The following PAPPA variants were observed in gnomAD, a reference collection of about 807,000 sequenced individuals.
PAPPA encodes pappalysin-1.
Under a neutral mutation model 164.0 loss-of-function variants are expected in PAPPA, and 60 were observed. The observed-to-expected ratio is 0.37, with a 90% CI of 0.30 to 0.45. The LOEUF is 0.45. Among genes scored for constraint, PAPPA ranks in the 20% least tolerant of loss-of-function variants. The pLI, the probability that PAPPA is intolerant of heterozygous loss-of-function variation, is 1.00. For synonymous variants in PAPPA, 875 were observed against 814.1 expected (o/e 1.07, Z -1.27); for missense variants, 1,782 against 2,087.3 (o/e 0.85, Z 2.85).
chr9:116,344,428 TCA>T, intron 13 of PAPPA, 113 bp from the exon 14 acceptor site: 1 of 1,040,052 alleles, frequency 9.6e-7, no homozygotes, highest in Non-Finnish European at 1.4e-6. Context: ...CTTTCTGTCC[TCA>T]GTCTCAAGCC....
intron 7 of PAPPA, among the ~76,000 whole-genome samples, chr9:116,264,148 T>A (rs537808002): frequency 1.3e-5 from 2 of 152,144 alleles, no homozygotes; most frequent in African/African-American, 4.8e-5. Flanking sequence ...GGATTGTTAC[T>A]TTTTTCTCCA....
intron 9 of PAPPA, among the ~76,000 whole-genome samples, chr9:116,289,313 G>GCCATATATATGCCAAATATATA (rs1397352816): frequency 8.4e-6 from 1 of 119,018 alleles, no homozygotes; most frequent in Admixed American, 8.4e-5. Context: ...GCATATATAT[G>GCCATATATATGCCAAATATATA]GCATATATAT....
rs560383980 is a variant in PAPPA at position 116,205,552 on chromosome 9, G to A, written c.1479-1904G>A. 4.1e-4 allele frequency among the ~76,000 whole-genome samples: 63 copies of A among 152,260 alleles called. No homozygotes were observed. In the South Asian group the frequency reaches 0.013, roughly 31 times the overall value. ...CATGCATTGTTTCTCTTTTCACTCT[G>A]GGCCTGGGTGAGCTTGGAAATGAGG... On this transcript the variant is annotated intron_variant, in intron 2 of 21. Transcript: ENST00000328252.
intron 1 of PAPPA, among the ~76,000 whole-genome samples, chr9:116,161,364 G>A (rs1449513115): frequency 6.6e-6 from 1 of 152,128 alleles, no homozygotes; most frequent in Non-Finnish European, 1.5e-5. Context: ...GGGTAAAATA[G>A]CGACTTTCAA....
At position 116,314,060 on chromosome 9, in the gene PAPPA, C is replaced by CTTTTTTTTTTTTTTT. The variant is rs57871796; in HGVS notation, c.3147+11126_3147+11140dup. The stretch of plus-strand genomic sequence containing the variant: ...ATTCAGTTCTGTCATTGCATCGAAT[C>CTTTTTTTTTTTTTTT]TTTTTTTTTTTTTTTTTTTTTTTTT... On this transcript the variant is annotated intron_variant, in intron 10 of 21. Transcript: ENST00000328252. 5.9e-4 allele frequency among the ~76,000 whole-genome samples: 41 copies of CTTTTTTTTTTTTTTT among 69,730 alleles called. 4 individuals carry two copies. The highest frequency in any genetic ancestry group is 2.8e-3 in the South Asian group (6 of 2,110). 45.7% of individuals were successfully genotyped at this position (69,730 alleles called of 152,430 possible).
At chr9:116,185,366 T>G (rs1564176685) in intron 1 of PAPPA, among the ~76,000 whole-genome samples, 2 of 152,110 alleles carry the variant, frequency 1.3e-5, no homozygotes. Flanking sequence ...GCTGGCCATG[T>G]CAGCTGCTGA....
intron 21 of PAPPA, among the ~76,000 whole-genome samples, chr9:116,387,075 G>A (rs1846824336): frequency 6.6e-6 from 1 of 151,916 alleles, no homozygotes; most frequent in Admixed American, 6.6e-5. Context: ...CCAGGCTAGC[G>A]CTCAGAGAAA....
chr9:116,194,473 G>T (rs559863533), intron 2 of PAPPA, among the ~76,000 whole-genome samples: 69 of 152,310 alleles, frequency 4.5e-4, no homozygotes, highest in Admixed American at 1.0e-3. Context: ...TTTATTTAAT[G>T]TGACTAATAT....
chr9:116,332,420 A>G lies in PAPPA; in HGVS notation c.3349A>G (p.Thr1117Ala). 2 of 1,613,978 alleles carry G rather than the reference A, an allele frequency of 1.2e-6. No individual in the cohort carries two copies. The highest frequency in any genetic ancestry group is 1.7e-6 in the Non-Finnish European group (2 of 1,179,850). The change falls in exon 12 of 22, where the codon ACC becomes GCC. Residue 1117 changes from threonine to alanine, a missense_variant. Transcript: ENST00000328252. ...GTYYGDQKQE[T>A]ISVQLLDTKD... ...ATATTATGGGGACCAAAAGCAGGAG[A>G]CCATCAGCGTGCAGCTGCTTGATAC...
intron 13 of PAPPA, among the ~76,000 whole-genome samples, chr9:116,337,699 C>T (rs1388466523): frequency 6.6e-6 from 1 of 151,902 alleles, no homozygotes; most frequent in East Asian, 1.9e-4. Context: ...CTCTCTCTCT[C>T]TCTCCCCCGC....
rs1054402 is a variant in PAPPA at position 116,401,230 on chromosome 9, T to C, written c.*4614T>C. 0.7 allele frequency: 107,357 copies of C among 152,462 alleles called. 38,181 individuals carry two copies. Among genetic ancestry groups the C allele is most frequent in the South Asian group, 0.78 (3,774 of 4,818 alleles). The allele number at this position is 152,462 out of a possible 1,614,324, so 9.4% of individuals were successfully genotyped here. On this transcript the variant is annotated 3_prime_UTR_variant, in exon 22 of 22. Coordinates refer to ENST00000328252, the MANE Select transcript of PAPPA (RefSeq NM_002581.5). ...CTATAATTTGGTTAAAAGCTGATTA[T>C]GTCCTACAATGTCAAAGTCAGCTAA... is the stretch of plus-strand genomic sequence containing the variant.
chr9:116,379,096 A>T (rs1048726331), intron 20 of PAPPA, among the ~76,000 whole-genome samples: 3 of 152,180 alleles, frequency 2.0e-5, no homozygotes, highest in African/African-American at 7.2e-5. Flanking sequence ...CTGGGCAACC[A>T]GTGTGACAGC....
intron 7 of PAPPA, among the ~76,000 whole-genome samples, chr9:116,241,086 T>C (rs1844730111): frequency 6.6e-6 from 1 of 152,216 alleles, no homozygotes; most frequent in Non-Finnish European, 1.5e-5. Flanking sequence ...TGGGTGGACA[T>C]TCTTGTGAGT....
At position 116,177,554 on chromosome 9, in the gene PAPPA, G is replaced by C. The variant is rs79681273; in HGVS notation, c.416-9600G>C. Reference sequence around the variant, plus strand: ...AACCAGTAAGAGAATTTCCAGCCCTGACTCTGCCTAATTCAATGAATGGTG... The same window carrying C: ...AACCAGTAAGAGAATTTCCAGCCCTCACTCTGCCTAATTCAATGAATGGTG... On this transcript the variant is annotated intron_variant, in intron 1 of 21. Transcript: ENST00000328252. Among the ~76,000 whole-genome samples the C allele has an allele frequency of 6.2e-3, 947 of 152,274 alleles. 35 individuals are homozygous for C. In the East Asian group the frequency reaches 0.11, roughly 17 times the overall value.
chr9:116,347,169 T>C lies in PAPPA; in HGVS notation c.3924T>C (p.Ser1308=). Residue 1308 remains serine, a synonymous_variant, in exon 15 of 22, where the codon AGT becomes AGC. Coordinates refer to ENST00000328252, the MANE Select transcript of PAPPA (RefSeq NM_002581.5). The surrounding 1 kb of genome is among the most constrained non-coding windows in gnomAD (Gnocchi z 4.5). The part of the protein sequence containing the change: ...FSCPEGTTFG[S]QCSFQCRHPA... ...GCCCTGAGGGCACCACCTTTGGCAGTCAATGTTCCTTCCAGTGCCGTCACC... is the reference window on the plus strand; with the variant it reads ...GCCCTGAGGGCACCACCTTTGGCAGCCAATGTTCCTTCCAGTGCCGTCACC... 1 of 1,613,912 alleles carries C rather than the reference T, an allele frequency of 6.2e-7. No homozygotes were observed. The highest frequency in any genetic ancestry group is 8.5e-7 in the Non-Finnish European group (1 of 1,179,912).
intron 3 of PAPPA, among the ~76,000 whole-genome samples, chr9:116,208,502 A>C (rs2118678357): frequency 6.6e-6 from 1 of 152,228 alleles, no homozygotes; most frequent in South Asian, 2.1e-4. Context: ...ATAGCCACAT[A>C]ATATTCCCTT....
chr9:116,214,844 A>T (rs1844351228), intron 4 of PAPPA, among the ~76,000 whole-genome samples: 1 of 152,166 alleles, frequency 6.6e-6, no homozygotes, highest in Non-Finnish European at 1.5e-5. Flanking sequence ...GCTTCTTAAT[A>T]TGCACACATA....
intron 4 of PAPPA, among the ~76,000 whole-genome samples, chr9:116,217,941 C>T (rs969192090): frequency 6.6e-6 from 1 of 152,170 alleles, no homozygotes; most frequent in South Asian, 2.1e-4. Context: ...TATTTGGTGG[C>T]TTTTCCAAAG....
chr9:116,264,057 G>A (rs1482758368), intron 7 of PAPPA, among the ~76,000 whole-genome samples: 3 of 152,096 alleles, frequency 2.0e-5, no homozygotes, highest in Non-Finnish European at 4.4e-5. Context: ...AAAATATAAA[G>A]CATGCCTCTG....
Sources: allele counts gnomAD v4.1 joint callset (sites outside exome capture counted in the v4.1 genomes callset), GRCh38; gene constraint gnomAD v4.1.1; non-coding constraint Gnocchi (gnomAD v3.1); transcripts MANE v1.5; gene names NCBI Gene and HGNC (gene_info 2026-07-23, HGNC 2026-07-21).